Variants in METTL16 observed in about 807,000 individuals in gnomAD.
METTL16 encodes RNA N(6)-adenosine-methyltransferase METTL16.
In METTL16, 19 loss-of-function variants were observed where a neutral mutation model predicts 57.9. The observed-to-expected ratio is 0.33, with a 90% CI of 0.23 to 0.48. The LOEUF (loss-of-function observed/expected upper bound fraction) is 0.48, where lower values mean the gene tolerates loss of function less well. Ranked by LOEUF, METTL16 falls within the 20% of genes least tolerant of loss-of-function variation. METTL16 has a pLI of 0.99. For missense variants in METTL16, 434 were observed against 691.5 expected (o/e 0.63, Z 4.18); for synonymous variants, 246 against 255.6 (o/e 0.96, Z 0.36).
At chr17:2,463,755 C>T (rs558237814) in intron 6 of METTL16, among the ~76,000 whole-genome samples, 272 of 152,134 alleles carry the variant, frequency 1.8e-3, no homozygotes, top group African/African-American at 6.0e-3. Context: ...CCACCACGCC[C>T]AGCCTGCAAT....
intron 2 of METTL16, among the ~76,000 whole-genome samples, chr17:2,493,540 A>G (rs2067417474): frequency 6.6e-6 from 1 of 151,844 alleles, no homozygotes; most frequent in Non-Finnish European, 1.5e-5. Context: ...CCAACATGGT[A>G]AAACCCCATC....
At chr17:2,461,505 A>G (rs941821789) in intron 6 of METTL16, among the ~76,000 whole-genome samples, 1 of 152,000 alleles carries the variant, frequency 6.6e-6, no homozygotes, top group Non-Finnish European at 1.5e-5. Flanking sequence ...TTGAAAAGGT[A>G]GTAGTAGCTC....
chr17:2,503,318 C>T (rs1160403230), intron 1 of METTL16, among the ~76,000 whole-genome samples: 1 of 151,920 alleles, frequency 6.6e-6, no homozygotes, highest in Non-Finnish European at 1.5e-5. Context: ...TACAGTATAT[C>T]CATACACTAA....
In METTL16 at chr17:2,467,839, A is replaced by G; in HGVS notation, c.507T>C (p.Ala169=). ...AGATTATCTCAGATTCTTCTTTAAG[A>G]GCATCCATCAGGAGTGTCTTCTGTG... ...KVPQKTLLMD[A]LKEESEIIYD... is the part of the protein sequence containing the mutation. The change falls in exon 5 of 10, where the codon GCT becomes GCC. Residue 169 remains alanine (A), a synonymous_variant. Transcript: ENST00000263092. 6.2e-7 allele frequency: 1 copy of G among 1,614,184 alleles called. No individual in the cohort carries two copies. Among genetic ancestry groups the G allele is most frequent in the Non-Finnish European group, 8.5e-7 (1 of 1,180,012 alleles).
At chr17:2,447,815 C>T (rs2067019986) in intron 6 of METTL16, among the ~76,000 whole-genome samples, 1 of 111,064 alleles carries the variant, frequency 9.0e-6, no homozygotes, top group African/African-American at 4.5e-5. Flanking sequence ...GGGGGTCAGC[C>T]CCCCGCCTGG....
intron 8 of METTL16, among the ~76,000 whole-genome samples, chr17:2,426,131 C>G (rs1430740064): frequency 6.6e-6 from 1 of 151,672 alleles, no homozygotes; most frequent in Non-Finnish European, 1.5e-5. Context: ...CTGGTGCGCA[C>G]GAAGCCACAA....
intron 2 of METTL16, among the ~76,000 whole-genome samples, chr17:2,494,640 A>C (rs1458359950): frequency 6.6e-6 from 1 of 152,034 alleles, no homozygotes; most frequent in Non-Finnish European, 1.5e-5. Flanking sequence ...CAGGAATTTG[A>C]GGCTACAATG....
intron 2 of METTL16, among the ~76,000 whole-genome samples, chr17:2,482,915 AT>A (rs2067317180): frequency 6.6e-6 from 1 of 151,738 alleles, no homozygotes; most frequent in African/African-American, 2.4e-5. Flanking sequence ...TGTCTCAAAA[AT>A]AATAATAATA....
chr17:2,485,803 T>C (rs2067337127), intron 2 of METTL16, among the ~76,000 whole-genome samples: 3 of 152,130 alleles, frequency 2.0e-5, no homozygotes, highest in Admixed American at 2.0e-4. Context: ...GGATAGGTAT[T>C]ATCCAGAAAT....
At chr17:2,482,536 T>C (rs1035733976) in intron 2 of METTL16, among the ~76,000 whole-genome samples, 2 of 152,202 alleles carry the variant, frequency 1.3e-5, no homozygotes, top group Admixed American at 1.3e-4. Context: ...AGGGAGTGCC[T>C]CAGCTTTTAT....
chr17:2,446,674 GTGC>G (rs2066998436), intron 6 of METTL16, among the ~76,000 whole-genome samples: 1 of 150,814 alleles, frequency 6.6e-6, no homozygotes, highest in Non-Finnish European at 1.5e-5. Flanking sequence ...AGGCTGGACG[GTGC>G]TGCTGCCATC....
At chr17:2,493,182 G>A (rs1391273999) in intron 2 of METTL16, among the ~76,000 whole-genome samples, 9 of 142,782 alleles carry the variant, frequency 6.3e-5, no homozygotes, top group Non-Finnish European at 4.5e-5. Flanking sequence ...TCCGCCTCCC[G>A]GGTTCATGCC....
chr17:2,441,563 G>T lies in METTL16; in HGVS notation c.729-4C>A. On this transcript the variant is annotated splice_polypyrimidine_tract_variant and splice_region_variant and intron_variant, in intron 6 of 9. Coordinates refer to ENST00000263092, the MANE Select transcript of METTL16 (RefSeq NM_024086.4). ...TCCCAGCATGCAGCTATACCATCTA[G>T]GAAAAAAAAAATCAGACAAGTAAAT... The T allele has an allele frequency of 6.5e-7, 1 of 1,540,890 alleles. No homozygotes were observed. Among genetic ancestry groups the T allele is most frequent in the South Asian group, 1.2e-5 (1 of 80,718 alleles).
intron 2 of METTL16, among the ~76,000 whole-genome samples, chr17:2,499,331 CTTT>C (rs1004416909): frequency 8.6e-5 from 11 of 127,576 alleles, no homozygotes; most frequent in South Asian, 2.5e-4. Context: ...AAAACTATAT[CTTT>C]TTTTTTTTTT....
intron 6 of METTL16, among the ~76,000 whole-genome samples, chr17:2,450,648 C>T (rs1390820192): frequency 3.3e-5 from 5 of 152,122 alleles, no homozygotes; most frequent in African/African-American, 9.7e-5. Context: ...CATATCGTAA[C>T]GTTTTACATG....
intron 8 of METTL16, among the ~76,000 whole-genome samples, chr17:2,437,290 C>T (rs1330956531): frequency 6.6e-6 from 1 of 152,090 alleles, no homozygotes; most frequent in South Asian, 2.1e-4. Context: ...GATTCTAGTG[C>T]TAATCTGAAA....
chr17:2,419,924 C>T lies in METTL16; in HGVS notation c.*46G>A. 1 of 1,601,850 alleles carries T rather than the reference C, an allele frequency of 6.2e-7. No homozygotes were observed. The highest frequency in any genetic ancestry group is 1.3e-5 in the African/African-American group (1 of 74,810). On this transcript the variant is annotated 3_prime_UTR_variant, in exon 10 of 10. Transcript: ENST00000263092. The stretch of plus-strand genomic sequence containing the variant: ...TCCTCTTGCCACCCCACAGGCCACT[C>T]CAAAGCAAGTTACTATCAACACGTT...
chr17:2,438,710 T>C (rs927890131), intron 7 of METTL16, among the ~76,000 whole-genome samples: 2 of 152,114 alleles, frequency 1.3e-5, no homozygotes, highest in African/African-American at 4.8e-5. Context: ...CCATCACTGG[T>C]CTCAAACTCC....
chr17:2,428,578 T>TAC (rs2066841661), intron 8 of METTL16, among the ~76,000 whole-genome samples: 1 of 35,094 alleles, frequency 2.8e-5, no homozygotes, highest in African/African-American at 1.3e-4. Context: ...TATATATATA[T>TAC]ATATATATAT....
Sources: gnomAD v4.1 joint callset for allele counts (sites outside exome capture counted in the v4.1 genomes callset) on GRCh38, gnomAD v4.1.1 for gene constraint, MANE v1.5 for transcripts, NCBI Gene and HGNC (gene_info 2026-07-23, HGNC 2026-07-21) for gene names.